Variants in EAF2 observed in about 807,000 individuals in gnomAD.
The protein encoded by EAF2 is ELL-associated factor 2.
Under a neutral mutation model 29.4 loss-of-function variants are expected in EAF2, and 29 were observed. The ratio of observed to expected loss-of-function variants is 0.99; its 90% confidence interval spans 0.73 to 1.35. EAF2 has a LOEUF of 1.35. Among genes scored for constraint, EAF2 ranks in the 40% most tolerant of loss-of-function variants. The pLI, the probability that EAF2 is intolerant of heterozygous loss-of-function variation, is 0.00. For missense variants in EAF2, 292 were observed against 312.0 expected (o/e 0.94, Z 0.48); for synonymous variants, 103 against 102.5 (o/e 1.00, Z -0.03).
intron 4 of EAF2, 92 bp from the exon 5 acceptor site, chr3:121,872,445 A>G (rs1709030085): frequency 9.7e-7 from 1 of 1,029,652 alleles, no homozygotes. Flanking sequence ...TTTAGTTTCA[A>G]CAGTTTCTTA....
intron 1 of EAF2, among the ~76,000 whole-genome samples, chr3:121,840,515 A>AAAAAACAAAAAC (rs1708397765): frequency 1.0e-5 from 1 of 97,892 alleles, no homozygotes; most frequent in Admixed American, 1.3e-4. Flanking sequence ...AAAAGAAAAA[A>AAAAAACAAAAAC]AAAAAACGGG....
chr3:121,845,453 AAAAAAAAAAG>A (rs1470956490), intron 2 of EAF2, among the ~76,000 whole-genome samples: 3 of 147,442 alleles, frequency 2.0e-5, no homozygotes, highest in Non-Finnish European at 4.5e-5. Context: ...AAAAAAAAAA[AAAAAAAAAAG>A]AAAGAAAGAA....
chr3:121,875,246 G>T (rs951366922), intron 5 of EAF2, among the ~76,000 whole-genome samples: 2 of 151,708 alleles, frequency 1.3e-5, no homozygotes, highest in African/African-American at 4.8e-5. Context: ...AAAGGAGACT[G>T]GAAGAAATAG....
intron 4 of EAF2, among the ~76,000 whole-genome samples, chr3:121,865,498 A>G (rs960527629): frequency 6.6e-6 from 1 of 152,064 alleles, no homozygotes; most frequent in African/African-American, 2.4e-5. Context: ...ATATTTTTGT[A>G]GCTTAAATTT....
chr3:121,872,055 A>G (rs532879638), intron 4 of EAF2, among the ~76,000 whole-genome samples: 1 of 151,524 alleles, frequency 6.6e-6, no homozygotes, highest in African/African-American at 2.4e-5. Context: ...AATACTTAGA[A>G]TATTTTAAAT....
chr3:121,865,399 A>G (rs150722830), intron 4 of EAF2, among the ~76,000 whole-genome samples: 108 of 152,362 alleles, frequency 7.1e-4, no homozygotes, highest in African/African-American at 2.5e-3. Flanking sequence ...ATTGCATTCT[A>G]TAAAATATTT....
chr3:121,860,056 C>A (rs1230953651), intron 4 of EAF2, among the ~76,000 whole-genome samples: 2 of 152,188 alleles, frequency 1.3e-5, no homozygotes, highest in Non-Finnish European at 2.9e-5. Context: ...TTTTGATGTG[C>A]TGCTGGATTC....
At chr3:121,841,544 GA>G (rs1553725831) in intron 1 of EAF2, among the ~76,000 whole-genome samples, 15 of 23,220 alleles carry the variant, frequency 6.5e-4, no homozygotes, top group African/African-American at 2.7e-3. Context: ...AAAAAAAAAA[GA>G]AAGAAAGAAA....
At position 121,854,741 on chromosome 3, in the gene EAF2, G is replaced by T. The variant is rs891939032; in HGVS notation, c.256G>T (p.Glu86Ter). 1.3e-6 allele frequency: 2 copies of T among 1,566,840 alleles called. No individual in the cohort carries two copies. The highest frequency in any genetic ancestry group is 1.7e-4 in the Middle Eastern group (1 of 5,916). Residue 86 changes from glutamate to a stop codon, truncating the protein, a stop_gained, in exon 3 of 6, where the codon GAA (glutamate) becomes TAA (stop). Transcript: ENST00000273668. LOFTEE classifies it high-confidence loss of function. The part of the protein sequence containing the change: ...FKGSKKPYLK[E>*]CILIINHDTG... The stretch of plus-strand genomic sequence containing the variant: ...AGGTTCAAAAAAACCTTACTTAAAA[G>T]AATGCATTTTGATTATTAACCATGA...
At chr3:121,863,483 A>G (rs1172302347) in intron 4 of EAF2, among the ~76,000 whole-genome samples, 3 of 152,188 alleles carry the variant, frequency 2.0e-5, no homozygotes, top group African/African-American at 7.2e-5. Context: ...CTCCGTGGGC[A>G]TGGGACCCTC....
intron 1 of EAF2, 114 bp from the exon 2 acceptor site, chr3:121,844,339 C>T (rs1708484646): frequency 2.4e-5 from 15 of 635,240 alleles, no homozygotes; most frequent in South Asian, 5.8e-5. Flanking sequence ...TACTTTAAAC[C>T]ATTTTAATTA....
At chr3:121,878,093 T>C (rs1442174723) in intron 5 of EAF2, among the ~76,000 whole-genome samples, 1 of 152,130 alleles carries the variant, frequency 6.6e-6, no homozygotes, top group East Asian at 1.9e-4. Context: ...GTTAATGTAA[T>C]AGATAATGAG....
chr3:121,841,764 C>G (rs925319111), intron 1 of EAF2, among the ~76,000 whole-genome samples: 6 of 151,506 alleles, frequency 4.0e-5, no homozygotes, highest in Non-Finnish European at 8.8e-5. Context: ...AATCCCAGCA[C>G]TTTGGGAAGT....
intron 4 of EAF2, among the ~76,000 whole-genome samples, chr3:121,871,000 T>C (rs995068161): frequency 1.3e-5 from 2 of 152,158 alleles, no homozygotes; most frequent in African/African-American, 2.4e-5. Context: ...ATTAAACCTA[T>C]GCCTATTGTG....
intron 4 of EAF2, among the ~76,000 whole-genome samples, chr3:121,859,049 A>T (rs1045090172): frequency 3.3e-5 from 5 of 152,190 alleles, no homozygotes; most frequent in Non-Finnish European, 5.9e-5. Flanking sequence ...TGGTACCAGT[A>T]CTATGGTGTT....
At chr3:121,882,064 T>G (rs1024311896) in intron 5 of EAF2, among the ~76,000 whole-genome samples, 5 of 152,080 alleles carry the variant, frequency 3.3e-5, no homozygotes, top group Non-Finnish European at 5.9e-5. Flanking sequence ...AACATGTACT[T>G]GAGGCTGGGC....
intron 3 of EAF2, 59 bp downstream of exon 3, chr3:121,854,882 TA>T (rs1708693065): frequency 5.0e-6 from 7 of 1,398,452 alleles, no homozygotes; most frequent in Admixed American, 2.8e-5. Context: ...GAAATGTCAA[TA>T]AAAAATTTAT....
intron 2 of EAF2, among the ~76,000 whole-genome samples, chr3:121,854,015 A>G (rs528083749): frequency 2.8e-4 from 42 of 152,254 alleles, no homozygotes; most frequent in African/African-American, 9.1e-4. Context: ...TTATAAAGCA[A>G]TAAGAAAGAA....
At chr3:121,861,051 C>T (rs1708820856) in intron 4 of EAF2, among the ~76,000 whole-genome samples, 1 of 152,234 alleles carries the variant, frequency 6.6e-6, no homozygotes, top group Middle Eastern at 3.4e-3. Flanking sequence ...GTTGTGATTT[C>T]TATTCTTTTA....
Sources: gnomAD v4.1 joint callset for allele counts (sites outside exome capture counted in the v4.1 genomes callset) on GRCh38, gnomAD v4.1.1 for gene constraint, MANE v1.5 for transcripts, NCBI Gene and HGNC (gene_info 2026-07-23, HGNC 2026-07-21) for gene names.